Variants in RGS12 observed in about 807,000 individuals in gnomAD.
RGS12 encodes the protein regulator of G protein signaling 12, also known as regulator of G-protein signaling 12.
In RGS12, 66 loss-of-function variants were observed where a neutral mutation model predicts 120.1. That is an observed-to-expected ratio of 0.55 (90% CI 0.45 to 0.67). The LOEUF (loss-of-function observed/expected upper bound fraction) is 0.67, where lower values mean the gene tolerates loss of function less well. Ranked by LOEUF, RGS12 falls within the 30% of genes least tolerant of loss-of-function variation. The probability of loss-of-function intolerance (pLI) is 0.00; values close to 1 mark genes in which losing one functional copy is unlikely to be tolerated. For synonymous variants in RGS12, 827 were observed against 804.7 expected (o/e 1.03, Z -0.47); for missense variants, 1,859 against 1,957.7 (o/e 0.95, Z 0.95).
Position 3,420,644 on chromosome 4 carries a change from G to T in RGS12, c.2764G>T (p.Ala922Ser). ...GTCACTGTGTTTCCCCTGTCAAGAC[G>T]CCCTGCATGCCAATGGAGGCCTGTG... ...KREHGDHADDALHANGGLCRR... is the reference protein window; with the variant it reads ...KREHGDHADDSLHANGGLCRR... The change falls in exon 10 of 18, where the codon GCC becomes TCC. Residue 922 changes from alanine (A) to serine (S), a missense_variant and splice_region_variant. Ala to Ser is a moderately conservative substitution (Grantham distance 99). Around this residue, in one of 3 missense-constraint regions of RGS12, gnomAD observed 375 missense variants for 475.0 expected, o/e 0.79. Coordinates refer to ENST00000336727, the MANE Select transcript of RGS12 (RefSeq NM_001394154.1). 1 of 1,613,598 alleles carries T rather than the reference G, an allele frequency of 6.2e-7. No homozygotes were observed. Among genetic ancestry groups the T allele is most frequent in the South Asian group, 1.1e-5 (1 of 91,076 alleles).
chr4:3,302,875 G>A (rs1274372071), intron 1 of RGS12, among the ~76,000 whole-genome samples: 3 of 152,026 alleles, frequency 2.0e-5, no homozygotes, highest in South Asian at 4.2e-4. Flanking sequence ...TTTTGCAAAT[G>A]GTGTCCTCCT....
At chr4:3,379,261 A>G (rs1308238913) in intron 3 of RGS12, among the ~76,000 whole-genome samples, 2 of 152,132 alleles carry the variant, frequency 1.3e-5, no homozygotes, top group African/African-American at 2.4e-5. Flanking sequence ...TTATAAGATG[A>G]ATAAGTTCTA....
rs926802718 is a variant in RGS12, at chr4:3,416,820, A to G, written c.2428-93A>G. ...AACGATGTCCTTTCAGGACAGGGCC[A>G]GTGGTTGCCTACAGGTCGCCAAGCA... On this transcript the variant is annotated intron_variant, in intron 7 of 17. Transcript: ENST00000336727. The G allele has an allele frequency of 1.3e-5, 15 of 1,129,304 alleles. No individual in the cohort carries two copies. In the Admixed American group the frequency reaches 3.2e-4, roughly 24 times the overall value. The allele number at this position is 1,129,304 out of a possible 1,614,324, so 70.0% of individuals were successfully genotyped here.
chr4:3,433,038 G>T lies in RGS12; in HGVS notation c.4114+2083G>T, dbSNP rs1724476010. Among the ~76,000 whole-genome samples the T allele has an allele frequency of 1.3e-5, 2 of 152,234 alleles. No individual in the cohort carries two copies. The highest frequency in any genetic ancestry group is 4.8e-5 in the African/African-American group (2 of 41,462). On this transcript the variant is annotated intron_variant, in intron 17 of 17. Transcript: ENST00000336727. The surrounding 1 kb of genome is among the most constrained non-coding windows in gnomAD (Gnocchi z 4.4). ...CACTCTAATGGGATTCTCTGTATTG[G>T]AGAGTTCACCTGCCCATGGCGGCAA...
intron 3 of RGS12, chr4:3,369,917 C>G: frequency 1.5e-6 from 1 of 657,622 alleles, no homozygotes; most frequent in Non-Finnish European, 2.0e-6. Context: ...AGGTTGTGAA[C>G]TGCACCACGA....
At chr4:3,313,200 A>G (rs1032771739) in intron 1 of RGS12, 4 of 152,262 alleles carry the variant, frequency 2.6e-5, no homozygotes, top group Non-Finnish European at 5.9e-5. Flanking sequence ...ATTGTCCATC[A>G]TTATGTCACA....
intron 1 of RGS12, among the ~76,000 whole-genome samples, chr4:3,304,273 A>G (rs1382671877): frequency 6.6e-6 from 1 of 152,238 alleles, no homozygotes; most frequent in South Asian, 2.1e-4. Flanking sequence ...TGTATTATTC[A>G]AAAACTATGC....
chr4:3,293,810 AG>A (rs1723196914), intron 1 of RGS12, among the ~76,000 whole-genome samples: 1 of 143,652 alleles, frequency 7.0e-6, no homozygotes, highest in Non-Finnish European at 1.5e-5. Context: ...GGGGGCCCAG[AG>A]CCGTGGAGTG....
At chr4:3,434,525 C>T (rs1724626175) in intron 17 of RGS12, among the ~76,000 whole-genome samples, 1 of 152,176 alleles carries the variant, frequency 6.6e-6, no homozygotes, top group Non-Finnish European at 1.5e-5. Context: ...CAGGGACCCT[C>T]CAAAATGCTC....
At chr4:3,336,253 T>C (rs1712447614) in intron 2 of RGS12, among the ~76,000 whole-genome samples, 3 of 152,254 alleles carry the variant, frequency 2.0e-5, no homozygotes, top group Non-Finnish European at 2.9e-5. Context: ...AGCCCTGGGG[T>C]GGCAGCGGCT....
In RGS12 at chr4:3,433,114, C is replaced by A. The variant is rs1463470696; in HGVS notation, c.4114+2159C>A. Among the ~76,000 whole-genome samples the A allele has an allele frequency of 6.6e-6, 1 of 152,240 alleles. No homozygotes were observed. The highest frequency in any genetic ancestry group is 1.5e-5 in the Non-Finnish European group (1 of 68,032). On this transcript the variant is annotated intron_variant, in intron 17 of 17. Coordinates refer to ENST00000336727, the MANE Select transcript of RGS12 (RefSeq NM_001394154.1). This position sits in a 1 kb window ranked among gnomAD's most constrained non-coding sequence, Gnocchi z 4.4. Reference sequence around the variant, plus strand: ...TGGCCTGATGGAACCTCTTTCACATCTGTGGGCCGGGGCGAGCCTGGACTG... The same window carrying A: ...TGGCCTGATGGAACCTCTTTCACATATGTGGGCCGGGGCGAGCCTGGACTG...
intron 12 of RGS12, 144 bp downstream of exon 12, chr4:3,423,122 G>A: frequency 1.5e-6 from 1 of 677,848 alleles, no homozygotes. Context: ...GGGGAGGGTG[G>A]AGGCCCACAC....
At chr4:3,421,178 G>T (rs575737052) in intron 10 of RGS12, among the ~76,000 whole-genome samples, 1 of 152,236 alleles carries the variant, frequency 6.6e-6, no homozygotes, top group East Asian at 1.9e-4. Context: ...TCTCACACCT[G>T]CTCACTGCTT....
intron 4 of RGS12, among the ~76,000 whole-genome samples, chr4:3,407,833 C>T (rs1014468950): frequency 6.6e-6 from 1 of 152,194 alleles, no homozygotes; most frequent in Non-Finnish European, 1.5e-5. Flanking sequence ...TTTCATCTTA[C>T]GGTATTAACA....
chr4:3,422,805 G>T, intron 11 of RGS12, 100 bp from the exon 12 acceptor site: 1 of 1,133,828 alleles, frequency 8.8e-7, no homozygotes, highest in Admixed American at 1.8e-5. Context: ...TTTTGAAGCT[G>T]CTCTTCTGCT....
At chr4:3,329,428 A>G (rs1161626813) in intron 2 of RGS12, among the ~76,000 whole-genome samples, 1 of 152,168 alleles carries the variant, frequency 6.6e-6, no homozygotes, top group Non-Finnish European at 1.5e-5. Flanking sequence ...AGTGTGTTGC[A>G]CAGGACAGTA....
rs373408172 is a variant in RGS12 at position 3,439,510 on chromosome 4, T to A, written c.4170T>A (p.Asp1390Glu). ...CAGTCAACAGAATCATCGATGTGGA[T>A]CTTGTAACTGGCTCGGCGCCCGGGC... ...DLPVNRIIDVDLVTGSAPGRD... is the reference protein window; with the variant it reads ...DLPVNRIIDVELVTGSAPGRD... The change falls in exon 18 of 18, where the codon GAT becomes GAA. Residue 1390 changes from aspartate (D) to glutamate (E), a missense_variant. Asp to Glu is a conservative substitution (Grantham distance 45, BLOSUM62 2). Around this residue, in one of 3 missense-constraint regions of RGS12, gnomAD observed 517 missense variants for 488.5 expected, o/e 1.06. Coordinates refer to ENST00000336727, the MANE Select transcript of RGS12 (RefSeq NM_001394154.1). 4 of 1,612,592 alleles carry A rather than the reference T, an allele frequency of 2.5e-6. No individual in the cohort carries two copies. Among genetic ancestry groups the A allele is most frequent in the African/African-American group, 2.7e-5 (2 of 74,888 alleles).
intron 16 of RGS12, among the ~76,000 whole-genome samples, chr4:3,429,571 T>C (rs1724023567): frequency 6.6e-6 from 1 of 152,156 alleles, no homozygotes; most frequent in East Asian, 1.9e-4. Context: ...AAACTCCGAG[T>C]ATAATTCCAA....
chr4:3,318,839 G>A (rs1408268772), intron 2 of RGS12, among the ~76,000 whole-genome samples: 2 of 152,234 alleles, frequency 1.3e-5, no homozygotes, highest in African/African-American at 2.4e-5. Context: ...AGCCAGAGGC[G>A]GCGCTGCCGT....
Sources: gnomAD v4.1 joint callset for allele counts (sites outside exome capture counted in the v4.1 genomes callset) on GRCh38, gnomAD v4.1.1 for gene constraint, gnomAD v4.1.1 regional missense constraint, Gnocchi (gnomAD v3.1) non-coding constraint, MANE v1.5 for transcripts, NCBI Gene and HGNC (gene_info 2026-07-23, HGNC 2026-07-21) for gene names.